The following ABR variants were observed in gnomAD, a reference collection of about 807,000 sequenced individuals.
ABR encodes ABR activator of RhoGEF and GTPase, also known as active breakpoint cluster region-related protein.
A neutral mutation model predicts 107.2 loss-of-function variants in ABR; 35 were observed. The observed-to-expected ratio is 0.33, with a 90% CI of 0.25 to 0.43. The LOEUF (loss-of-function observed/expected upper bound fraction) is 0.43, where lower values mean the gene tolerates loss of function less well. ABR is among the 20% of genes least tolerant of loss of function. The pLI is 1.00. For missense variants in ABR, 815 were observed against 1,115.2 expected (o/e 0.73, Z 3.83); for synonymous variants, 498 against 462.0 (o/e 1.08, Z -1.00).
At chr17:1,068,200 T>A (rs1447567622) in intron 9 of ABR, among the ~76,000 whole-genome samples, 1 of 152,260 alleles carries the variant, frequency 6.6e-6, no homozygotes, top group East Asian at 1.9e-4. Flanking sequence ...CCCAAAGTGC[T>A]GGGATTACAG....
At chr17:1,117,857 GCCTGAGCCTGAGTCCCTCCCAGCGTTAAC>G (rs1167088448) in intron 2 of ABR, among the ~76,000 whole-genome samples, 1 of 18,318 alleles carries the variant, frequency 5.5e-5, no homozygotes, top group Non-Finnish European at 9.9e-5. Flanking sequence ...CAGCGTTATT[GCCTGAGCCTGAGTCCCTCCCAGCGTTAAC>G]CCTGAGCCTG....
intron 21 of ABR, among the ~76,000 whole-genome samples, chr17:1,007,811 C>G (rs2070181143): frequency 1.3e-5 from 2 of 152,250 alleles, no homozygotes; most frequent in African/African-American, 4.8e-5. Flanking sequence ...ACCTACCGCT[C>G]TGTTGCTTTC....
At chr17:1,203,446 C>CGGGGGCGGAGCCTGCG (rs1555620307) in intron 1 of ABR, among the ~76,000 whole-genome samples, 2 of 16,890 alleles carry the variant, frequency 1.2e-4, no homozygotes, top group Non-Finnish European at 2.2e-4. Context: ...ACGGAGTCTG[C>CGGGGGCGGAGCCTGCG]GGGGGCGGGG....
chr17:1,059,251 G>A lies in ABR; in HGVS notation c.1183-384C>T, dbSNP rs1253241584. ...TCTAGCCCAGGGCTGCCGACATAAC[G>A]GAAGCCAGCTGGTGCCAAGCCCTTT... On this transcript the variant is annotated intron_variant, in intron 10 of 22. Transcript: ENST00000302538. 4.6e-5 allele frequency among the ~76,000 whole-genome samples: 7 copies of A among 152,270 alleles called. No individual in the cohort carries two copies. The East Asian group carries it at 7.7e-4, about 17-fold the overall frequency.
At position 1,011,936 on chromosome 17, in the gene ABR, C is replaced by G. The variant is rs766229075; in HGVS notation, c.2011G>C (p.Val671Leu). Reference protein sequence around the residue: ...PYIVRQCVEEVEKRGIEEVGI... With the variant: ...PYIVRQCVEELEKRGIEEVGI... ...ACCTCCTCGATACCCCTCTTCTCCACCTCCTCCACACACTGCCGGACGATG... is the reference window on the plus strand; with the variant it reads ...ACCTCCTCGATACCCCTCTTCTCCAGCTCCTCCACACACTGCCGGACGATG... The change falls in exon 19 of 23, where the codon GTG (valine) becomes CTG (leucine). Residue 671 changes from valine (V) to leucine (L), a missense_variant. Physicochemically the swap from Val to Leu is conservative, Grantham distance 32. This residue lies in a region of ABR where 175 missense variants were observed against 284.3 expected (regional missense o/e 0.62). Coordinates refer to ENST00000302538, the MANE Select transcript of ABR (RefSeq NM_021962.5). This position sits in a 1 kb window ranked among gnomAD's most constrained non-coding sequence, Gnocchi z 4.8. The G allele has an allele frequency of 3.1e-6, 5 of 1,613,394 alleles. No homozygotes were observed. The highest frequency in any genetic ancestry group is 3.3e-4 in the Middle Eastern group (2 of 6,082).
chr17:1,103,898 A>G (rs2038075836), intron 2 of ABR, among the ~76,000 whole-genome samples: 2 of 151,722 alleles, frequency 1.3e-5, no homozygotes, highest in African/African-American at 4.8e-5. Flanking sequence ...CTTTCCTCAG[A>G]CTCCACAATT....
intron 16 of ABR, among the ~76,000 whole-genome samples, chr17:1,013,942 G>A (rs561907775): frequency 2.6e-5 from 4 of 152,228 alleles, no homozygotes; most frequent in East Asian, 1.9e-4. Flanking sequence ...GTGCACCTGC[G>A]AACTAATTCT....
intron 5 of ABR, among the ~76,000 whole-genome samples, chr17:1,081,549 G>GT (rs1311893767): frequency 3.9e-5 from 6 of 152,312 alleles, no homozygotes; most frequent in Non-Finnish European, 8.8e-5. Flanking sequence ...AGAGGGGCCT[G>GT]TGTTTTCCTA....
chr17:1,025,611 C>G (rs1019352100), intron 16 of ABR, among the ~76,000 whole-genome samples: 1 of 152,182 alleles, frequency 6.6e-6, no homozygotes, highest in Non-Finnish European at 1.5e-5. Flanking sequence ...TGGACCTTGC[C>G]GGTTCTTTGG....
intron 1 of ABR, among the ~76,000 whole-genome samples, chr17:1,177,223 C>T (rs966660711): frequency 4.6e-5 from 7 of 152,218 alleles, no homozygotes; most frequent in African/African-American, 1.7e-4. Flanking sequence ...TTAATTTAGG[C>T]TCTTGTCAAG....
Position 1,072,662 on chromosome 17 carries a change from G to C in ABR, c.846C>G (p.Asn282Lys). ...RISQNFLSSI[N>K]EDIDPRRTAV... ...CAGTCCGGCGGGGGTCGATGTCCTC[G>C]TTGATGCTGGACAGGAAGTTCTGGG... The change falls in exon 8 of 23, where the codon AAC becomes AAG. Residue 282 changes from asparagine to lysine, a missense_variant. Asn to Lys is a moderately conservative substitution (Grantham distance 94). Transcript: ENST00000302538. 6.2e-7 allele frequency: 1 copy of C among 1,612,898 alleles called. No individual in the cohort carries two copies. The highest frequency in any genetic ancestry group is 8.5e-7 in the Non-Finnish European group (1 of 1,179,496).
At chr17:1,035,422 C>A in intron 16 of ABR, among the ~76,000 whole-genome samples, 1 of 104,600 alleles carries the variant, frequency 9.6e-6, no homozygotes. Flanking sequence ...CCTTCCATCC[C>A]CTACACCTGC....
chr17:1,083,321 A>G (rs985520233), intron 5 of ABR, 199 bp downstream of exon 5: 10 of 320,182 alleles, frequency 3.1e-5, no homozygotes, highest in African/African-American at 2.0e-4. Flanking sequence ...CTGAAAGAGA[A>G]TAATAAAAAA....
At position 1,221,154 on chromosome 17, in the gene ABR, T is replaced by C. The variant is rs370792419; in HGVS notation, c.838+7639A>G. The stretch of plus-strand genomic sequence containing the variant: ...GCTGCCTACGCAATATCAATTCTTC[T>C]ATTTTTCCTTGTAACAGAGCCCCTA... On this transcript the variant is annotated intron_variant, in intron 1 of 22. Coordinates refer to the ABR transcript ENST00000574139. Among the ~76,000 whole-genome samples the C allele has an allele frequency of 1.3e-5, 2 of 152,232 alleles. 1 individual carries two copies. The highest frequency in any genetic ancestry group is 3.8e-4 in the East Asian group (2 of 5,204).
At position 1,176,348 on chromosome 17, in the gene ABR, G is replaced by A. The variant is rs1006358363; in HGVS notation, c.61+3319C>T. Among the ~76,000 whole-genome samples the A allele has an allele frequency of 5.3e-5, 8 of 152,322 alleles. 1 individual carries two copies. The South Asian group carries it at 1.0e-3, about 20-fold the overall frequency. On this transcript the variant is annotated intron_variant, in intron 1 of 22. Coordinates refer to ENST00000302538, the MANE Select transcript of ABR (RefSeq NM_021962.5). ...CATAGAGAATGGCGTCCCCCATTCC[G>A]TGACATCCCAAGACCTTGAATAAAC...
intron 16 of ABR, among the ~76,000 whole-genome samples, chr17:1,045,200 C>T (rs919785833): frequency 2.6e-5 from 4 of 152,256 alleles, no homozygotes; most frequent in Admixed American, 6.5e-5. Context: ...CTCATACAAA[C>T]ATTGCTTTTG....
chr17:1,179,946 C>T lies in ABR; in HGVS notation c.-219G>A, dbSNP rs1269118965. On this transcript the variant is annotated 5_prime_UTR_variant, in exon 1 of 23. Coordinates refer to ENST00000302538, the MANE Select transcript of ABR (RefSeq NM_021962.5). The surrounding 1 kb of genome is among the most constrained non-coding windows in gnomAD (Gnocchi z 4.9). The stretch of plus-strand genomic sequence containing the variant: ...CGAACCCTCCCGGCCCCAGCGGCCG[C>T]GCCGAGCCCAGCTGCGGATCCCGGA... 2 of 322,364 alleles carry T rather than the reference C, an allele frequency of 6.2e-6. No homozygotes were observed. Among genetic ancestry groups the T allele is most frequent in the Non-Finnish European group, 1.1e-5 (2 of 182,106 alleles). 20.0% of individuals were successfully genotyped at this position (322,364 alleles called of 1,614,324 possible).
intron 16 of ABR, among the ~76,000 whole-genome samples, chr17:1,035,984 G>A (rs2073156470): frequency 6.6e-6 from 1 of 152,016 alleles, no homozygotes; most frequent in Admixed American, 6.6e-5. Flanking sequence ...GGCAAAGGCT[G>A]CAGTGGGGCT....
chr17:1,013,115 T>C lies in ABR; in HGVS notation c.1841A>G (p.Glu614Gly), dbSNP rs1247891711. ...CCATCCCCGGCTCACCCCGTTCATC[T>C]CAATCACGTCCGTGTGCCAGTTCTT... ...ETKNWHTDVI[E>G]MNGIKVEFSM... The change falls in exon 17 of 23, where the codon GAG becomes GGG. Residue 614 changes from glutamate to glycine, a missense_variant. Around this residue, in one of 5 missense-constraint regions of ABR, gnomAD observed 92 missense variants for 82.3 expected, o/e 1.12. Coordinates refer to ENST00000302538, the MANE Select transcript of ABR (RefSeq NM_021962.5). The C allele has an allele frequency of 6.2e-7, 1 of 1,613,944 alleles. No individual in the cohort carries two copies. The highest frequency in any genetic ancestry group is 1.3e-5 in the African/African-American group (1 of 74,896).
Sources: gnomAD v4.1 joint callset for allele counts (sites outside exome capture counted in the v4.1 genomes callset) on GRCh38, gnomAD v4.1.1 for gene constraint, gnomAD v4.1.1 regional missense constraint, Gnocchi (gnomAD v3.1) non-coding constraint, MANE v1.5 for transcripts, NCBI Gene and HGNC (gene_info 2026-07-23, HGNC 2026-07-21) for gene names.